The following GPC1 variants were observed in gnomAD, a reference collection of about 807,000 sequenced individuals.
GPC1 encodes the protein glypican 1, also known as glypican-1.
A neutral mutation model predicts 51.5 loss-of-function variants in GPC1; 26 were observed. The observed-to-expected ratio is 0.50, with a 90% CI of 0.37 to 0.70. The LOEUF is 0.70. GPC1 is among the 30% of genes least tolerant of loss of function. The pLI is 0.00. For missense variants in GPC1, 775 were observed against 800.5 expected (o/e 0.97, Z 0.38); for synonymous variants, 380 against 348.3 (o/e 1.09, Z -1.01).
chr2:240,445,492 G>C (rs1286598108), intron 1 of GPC1, among the ~76,000 whole-genome samples: 1 of 152,084 alleles, frequency 6.6e-6, no homozygotes, highest in Non-Finnish European at 1.5e-5. Flanking sequence ...GCAGAACCAC[G>C]CCAGGGGAAG....
At position 240,464,661 on chromosome 2, in the gene GPC1, T is replaced by A; in HGVS notation, c.929T>A (p.Val310Glu). 6.2e-7 allele frequency: 1 copy of A among 1,613,158 alleles called. No individual in the cohort carries two copies. The highest frequency in any genetic ancestry group is 8.5e-7 in the Non-Finnish European group (1 of 1,179,890). The change falls in exon 5 of 9, where the codon GTG (valine) becomes GAG (glutamate). Residue 310 changes from valine to glutamate, a missense_variant. Transcript: ENST00000264039. The stretch of plus-strand genomic sequence containing the variant: ...GACAAGTTCTGGGGTACATCGGGTG[T>A]GGAGAGTGTCATCGGCAGCGTGCAC... ...ITDKFWGTSG[V>E]ESVIGSVHTW...
At chr2:240,441,499 C>G (rs576082421) in intron 1 of GPC1, among the ~76,000 whole-genome samples, 12 of 152,248 alleles carry the variant, frequency 7.9e-5, no homozygotes, top group Admixed American at 3.3e-4. Flanking sequence ...GGTGGGCACT[C>G]CTACATGCGG....
intron 1 of GPC1, among the ~76,000 whole-genome samples, chr2:240,454,418 A>T (rs2074136627): frequency 6.6e-6 from 1 of 152,078 alleles, no homozygotes; most frequent in South Asian, 2.1e-4. Flanking sequence ...TTGGGGTCCG[A>T]GAGCAGATGG....
At chr2:240,442,312 C>A (rs558340380) in intron 1 of GPC1, 1 of 151,868 alleles carries the variant, frequency 6.6e-6, no homozygotes, top group East Asian at 1.9e-4. Context: ...GGCTGGGTGC[C>A]GGGGTTGGGA....
chr2:240,458,758 G>A, intron 1 of GPC1: 9 of 424,180 alleles, frequency 2.1e-5, no homozygotes, highest in Non-Finnish European at 3.8e-5. Context: ...ACAGCAGGCT[G>A]GGGGGCAGGA....
chr2:240,447,572 C>G (rs1232266293), intron 1 of GPC1, among the ~76,000 whole-genome samples: 3 of 152,324 alleles, frequency 2.0e-5, no homozygotes, highest in South Asian at 4.1e-4. Context: ...AGGGCTGGCT[C>G]TCTTGAAGAT....
At chr2:240,445,833 G>C (rs1308504562) in intron 1 of GPC1, among the ~76,000 whole-genome samples, 1 of 152,164 alleles carries the variant, frequency 6.6e-6, no homozygotes, top group African/African-American at 2.4e-5. Context: ...CTTGGAAAAC[G>C]GCGTCCTCTC....
intron 1 of GPC1, among the ~76,000 whole-genome samples, chr2:240,455,237 C>T (rs1000205312): frequency 6.6e-6 from 1 of 152,184 alleles, no homozygotes; most frequent in African/African-American, 2.4e-5. Context: ...CAAATAATCC[C>T]CTTCCCCCCC....
rs113918163 is a variant in GPC1, at chr2:240,462,459, G to A, written c.594G>A (p.Ala198=). 7.7e-5 allele frequency: 123 copies of A among 1,604,940 alleles called. No individual in the cohort carries two copies. The highest frequency in any genetic ancestry group is 1.7e-4 in the Middle Eastern group (1 of 6,046). Residue 198 remains alanine (A), a synonymous_variant, in exon 3 of 9, where the codon GCG becomes GCA. Transcript: ENST00000264039. The part of the protein sequence containing the change: ...YLDCLGKQAE[A]LRPFGEAPRE... ...ACTGCCTGGGCAAGCAGGCCGAGGCGCTGCGGCCCTTCGGGGAGGCCCCGA... is the reference window on the plus strand; with the variant it reads ...ACTGCCTGGGCAAGCAGGCCGAGGCACTGCGGCCCTTCGGGGAGGCCCCGA...
At chr2:240,457,175 C>T (rs1014262479) in intron 1 of GPC1, among the ~76,000 whole-genome samples, 1 of 152,152 alleles carries the variant, frequency 6.6e-6, no homozygotes, top group African/African-American at 2.4e-5. Context: ...CAAGCCAGAG[C>T]CCCCTGCATC....
At chr2:240,452,253 G>A (rs1200415003) in intron 1 of GPC1, 1 of 152,866 alleles carries the variant, frequency 6.5e-6, no homozygotes, top group Non-Finnish European at 1.5e-5. Context: ...ACCTGGGTGG[G>A]AGACTTGGTG....
rs572003872 is a variant in GPC1, at chr2:240,456,323, G to A, written c.167-2707G>A. Among the ~76,000 whole-genome samples, 32 of 152,234 alleles carry A rather than the reference G, an allele frequency of 2.1e-4. 1 individual carries two copies. The South Asian group carries it at 6.4e-3, about 31-fold the overall frequency. Reference sequence around the variant, plus strand: ...AGCCTCTCCCGTCTGCGTGGTGGGGGCTGGGGAGTGGGTCCGCCGGGACCT... The same window carrying A: ...AGCCTCTCCCGTCTGCGTGGTGGGGACTGGGGAGTGGGTCCGCCGGGACCT... On this transcript the variant is annotated intron_variant, in intron 1 of 8. Coordinates refer to ENST00000264039, the MANE Select transcript of GPC1 (RefSeq NM_002081.3).
At position 240,463,201 on chromosome 2, in the gene GPC1, G is replaced by A. The variant is rs148596431; in HGVS notation, c.718-146G>A. On this transcript the variant is annotated intron_variant, in intron 3 of 8. Coordinates refer to ENST00000264039, the MANE Select transcript of GPC1 (RefSeq NM_002081.3). ...CTGGGCTGGCAGGCCCTGCGAGTCAGGCAGCGACCACCACGAGCTGGGGCA... is the reference window on the plus strand; with the variant it reads ...CTGGGCTGGCAGGCCCTGCGAGTCAAGCAGCGACCACCACGAGCTGGGGCA... 2.8e-4 allele frequency: 181 copies of A among 649,578 alleles called. 2 individuals carry two copies. The African/African-American group carries it at 3.0e-3, about 11-fold the overall frequency. The allele number at this position is 649,578 out of a possible 1,614,324, so 40.2% of individuals were successfully genotyped here.
intron 2 of GPC1, among the ~76,000 whole-genome samples, chr2:240,461,915 T>G (rs1406689357): frequency 6.6e-6 from 1 of 151,900 alleles, no homozygotes; most frequent in Admixed American, 6.5e-5. Flanking sequence ...TGCCCAGGGC[T>G]CAGCTCAGAA....
chr2:240,455,855 C>CGG, intron 1 of GPC1: 1 of 286,126 alleles, frequency 3.5e-6, no homozygotes, highest in South Asian at 2.6e-5. Context: ...GCCGGAGCTC[C>CGG]GCAGAAGGAA....
Position 240,462,281 on chromosome 2 carries a change from G to A in GPC1, c.416G>A (p.Arg139Lys). Reference protein sequence around the residue: ...AFGELYTQNARAFRDLYSELR... With the variant: ...AFGELYTQNAKAFRDLYSELR... ...GGAGAGCTGTACACGCAGAACGCGA[G>A]GGCCTTCCGGGACCTGTACTCAGAG... Residue 139 changes from arginine to lysine, a missense_variant, in exon 3 of 9, where the codon AGG (arginine) becomes AAG (lysine). By Grantham distance (26) the Arg-to-Lys change is conservative (BLOSUM62 2). Coordinates refer to ENST00000264039, the MANE Select transcript of GPC1 (RefSeq NM_002081.3). 1 of 1,609,546 alleles carries A rather than the reference G, an allele frequency of 6.2e-7. No homozygotes were observed.
chr2:240,464,325 C>T (rs1371315003), intron 4 of GPC1: 2 of 432,150 alleles, frequency 4.6e-6, no homozygotes, highest in Admixed American at 3.5e-5. Context: ...CATGAGCCAG[C>T]GTGGACATAC....
At chr2:240,465,946 G>A in intron 8 of GPC1, 112 bp from the exon 9 acceptor site, 1 of 666,738 alleles carries the variant, frequency 1.5e-6, no homozygotes, top group Non-Finnish European at 2.6e-6. Flanking sequence ...GCTGGTCCTG[G>A]GATTCCACAC....
At chr2:240,458,951 C>T in intron 1 of GPC1, 79 bp from the exon 2 acceptor site, 8 of 1,385,324 alleles carry the variant, frequency 5.8e-6, no homozygotes, top group Non-Finnish European at 7.0e-6. Context: ...TGCCATCCTG[C>T]CCAGGAGAGC....
Sources: gnomAD v4.1 joint callset for allele counts (sites outside exome capture counted in the v4.1 genomes callset) on GRCh38, gnomAD v4.1.1 for gene constraint, MANE v1.5 for transcripts, NCBI Gene and HGNC (gene_info 2026-07-23, HGNC 2026-07-21) for gene names.